The following CHODL variants were observed in gnomAD, a reference collection of about 807,000 sequenced individuals.
The protein encoded by CHODL is transmembrane protein MT75.
A neutral mutation model predicts 34.5 loss-of-function variants in CHODL; 29 were observed. The observed-to-expected ratio is 0.84, with a 90% CI of 0.63 to 1.15. The LOEUF (loss-of-function observed/expected upper bound fraction) is 1.15, where lower values mean the gene tolerates loss of function less well. Ranked by LOEUF, CHODL falls within the 50% of genes most tolerant of loss-of-function variation. CHODL has a pLI of 0.00. For missense variants in CHODL, 332 were observed against 332.5 expected (o/e 1.00, Z 0.01); for synonymous variants, 125 against 116.1 (o/e 1.08, Z -0.49).
At chr21:18,153,850 T>C (rs1425961225) in intron 2 of CHODL, among the ~76,000 whole-genome samples, 1 of 152,160 alleles carries the variant, frequency 6.6e-6, no homozygotes, top group Non-Finnish European at 1.5e-5. Flanking sequence ...CTTAACATGA[T>C]AGAATCTTAT....
At chr21:18,263,901 C>G (rs546408638) in intron 5 of CHODL, among the ~76,000 whole-genome samples, 1 of 141,386 alleles carries the variant, frequency 7.1e-6, no homozygotes, top group African/African-American at 2.6e-5. Flanking sequence ...CATTAATAAC[C>G]TTTTTTTTTT....
chr21:18,037,612 TGATACCATCAAA>T, intron 2 of CHODL, among the ~76,000 whole-genome samples: 1 of 151,872 alleles, frequency 6.6e-6, no homozygotes, highest in East Asian at 2.0e-4. Context: ...AGGGTAGAGC[TGATACCATCAAA>T]GAATTAAATC....
At chr21:18,183,135 A>G (rs2073401667) in intron 2 of CHODL, among the ~76,000 whole-genome samples, 1 of 152,210 alleles carries the variant, frequency 6.6e-6, no homozygotes, top group African/African-American at 2.4e-5. Context: ...GCATTTGGGG[A>G]TCCCTTTCTC....
At chr21:18,088,997 C>T (rs1441927979) in intron 2 of CHODL, among the ~76,000 whole-genome samples, 1 of 152,224 alleles carries the variant, frequency 6.6e-6, no homozygotes, top group Non-Finnish European at 1.5e-5. Flanking sequence ...CTCATCCCAT[C>T]TCATGTGCAT....
At chr21:18,070,007 C>CCCTTCCCTTA (rs2064778919) in intron 2 of CHODL, among the ~76,000 whole-genome samples, 1 of 70,736 alleles carries the variant, frequency 1.4e-5, no homozygotes, top group African/African-American at 4.3e-5. Flanking sequence ...CCCTTCCCTT[C>CCCTTCCCTTA]CCTTCCCTTC....
chr21:18,090,059 C>T (rs1289339727), intron 2 of CHODL, among the ~76,000 whole-genome samples: 1 of 152,146 alleles, frequency 6.6e-6, no homozygotes, highest in Non-Finnish European at 1.5e-5. Context: ...GCTGGATATT[C>T]ACAAGAAACA....
chr21:17,991,575 A>G (rs747795487), intron 1 of CHODL, among the ~76,000 whole-genome samples: 12 of 150,418 alleles, frequency 8.0e-5, no homozygotes, highest in Non-Finnish European at 1.5e-4. Context: ...AGCATTTTTT[A>G]ATATACCTAT....
At chr21:18,123,999 G>A (rs1044815137) in intron 2 of CHODL, among the ~76,000 whole-genome samples, 3 of 151,936 alleles carry the variant, frequency 2.0e-5, no homozygotes, top group Admixed American at 6.6e-5. Context: ...CCTGGCCAAC[G>A]TGGTGAAATC....
At chr21:18,144,775 C>A (rs1487479757) in intron 2 of CHODL, among the ~76,000 whole-genome samples, 1 of 151,334 alleles carries the variant, frequency 6.6e-6, no homozygotes, top group Admixed American at 6.6e-5. Context: ...TCTATGGTAT[C>A]ATTGAATTCA....
intron 2 of CHODL, among the ~76,000 whole-genome samples, chr21:18,059,364 G>A (rs9305835): frequency 6.6e-6 from 1 of 152,118 alleles, no homozygotes; most frequent in East Asian, 1.9e-4. Flanking sequence ...GTGGTATTTT[G>A]TTATGGCAGC....
intron 2 of CHODL, among the ~76,000 whole-genome samples, chr21:18,101,965 A>G (rs2065220540): frequency 6.6e-6 from 1 of 152,166 alleles, no homozygotes; most frequent in Admixed American, 6.6e-5. Context: ...ATTTAAGGAG[A>G]AAATTTTCAA....
chr21:18,264,111 G>A (rs973659037), intron 5 of CHODL, among the ~76,000 whole-genome samples: 1 of 152,062 alleles, frequency 6.6e-6, no homozygotes, highest in Admixed American at 6.6e-5. Flanking sequence ...TTTTAAAAGG[G>A]TAATGGTCAG....
Position 18,254,362 on chromosome 21 carries a change from A to G in CHODL, c.80-2147A>G, listed in dbSNP as rs554223252. On this transcript the variant is annotated intron_variant, in intron 1 of 5. Coordinates refer to ENST00000299295, the MANE Select transcript of CHODL (RefSeq NM_024944.3). The stretch of plus-strand genomic sequence containing the variant: ...CTAAATTTTACATAAAGTAATTGAC[A>G]GTCTATTTTCCAGGTCCAAATCTAA... Among the ~76,000 whole-genome samples, 21 of 151,870 alleles carry G rather than the reference A, an allele frequency of 1.4e-4. 1 individual carries two copies. The highest frequency in any genetic ancestry group is 2.6e-4 in the Non-Finnish European group (18 of 68,026).
At chr21:18,050,858 T>C (rs1395168269) in intron 2 of CHODL, among the ~76,000 whole-genome samples, 4 of 151,476 alleles carry the variant, frequency 2.6e-5, no homozygotes, top group African/African-American at 9.7e-5. Flanking sequence ...GGAGTAAAAA[T>C]ATATTCATTT....
chr21:18,150,158 C>T (rs2072946038), intron 2 of CHODL, among the ~76,000 whole-genome samples: 1 of 152,056 alleles, frequency 6.6e-6, no homozygotes, highest in Non-Finnish European at 1.5e-5. Flanking sequence ...TATCTAATGA[C>T]CTGGGATCAA....
chr21:18,161,754 G>A (rs149872030), intron 2 of CHODL, among the ~76,000 whole-genome samples: 5 of 152,174 alleles, frequency 3.3e-5, no homozygotes, highest in African/African-American at 1.2e-4. Context: ...CACAGGCTGC[G>A]AGTATTTCTA....
At chr21:17,977,436 G>T (rs1445879173) in intron 1 of CHODL, among the ~76,000 whole-genome samples, 1 of 150,112 alleles carries the variant, frequency 6.7e-6, no homozygotes, top group African/African-American at 2.4e-5. Flanking sequence ...CGTGATCTCG[G>T]CTCACTGCAA....
At chr21:17,971,196 G>A (rs34093787) in intron 1 of CHODL, among the ~76,000 whole-genome samples, 1,762 of 152,218 alleles carry the variant, frequency 0.012, 34 homozygotes, top group African/African-American at 0.04. Flanking sequence ...ATAAACATAC[G>A]TGTGCATATG....
intron 2 of CHODL, among the ~76,000 whole-genome samples, chr21:18,143,346 C>G (rs1273078972): frequency 6.6e-6 from 1 of 152,110 alleles, no homozygotes; most frequent in Non-Finnish European, 1.5e-5. Flanking sequence ...TCTCCAATAT[C>G]TATTTTTCTA....
Sources: gnomAD v4.1 joint callset for allele counts (sites outside exome capture counted in the v4.1 genomes callset) on GRCh38, gnomAD v4.1.1 for gene constraint, MANE v1.5 for transcripts, NCBI Gene and HGNC (gene_info 2026-07-23, HGNC 2026-07-21) for gene names.